The following SLC17A8 variants were observed in gnomAD, a reference collection of about 807,000 sequenced individuals.
SLC17A8 encodes vesicular glutamate transporter 3.
In SLC17A8, 31 loss-of-function variants were observed where a neutral mutation model predicts 58.0. The ratio of observed to expected loss-of-function variants is 0.53; its 90% CI spans 0.40 to 0.72. The LOEUF is 0.72. SLC17A8 is among the 30% of genes least tolerant of loss of function. SLC17A8 has a pLI of 0.00. For synonymous variants in SLC17A8, 228 were observed against 249.0 expected (o/e 0.92, Z 0.79); for missense variants, 655 against 727.8 (o/e 0.90, Z 1.15).
chr12:100,416,379 G>A (rs1952906594), intron 10 of SLC17A8, among the ~76,000 whole-genome samples: 1 of 152,162 alleles, frequency 6.6e-6, no homozygotes, highest in Non-Finnish European at 1.5e-5. Flanking sequence ...ACTTGCAGCT[G>A]TTTTATATTC....
chr12:100,400,052 CAA>C (rs1952780833), intron 5 of SLC17A8, among the ~76,000 whole-genome samples: 1 of 152,108 alleles, frequency 6.6e-6, no homozygotes, highest in African/African-American at 2.4e-5. Context: ...GAGAGTTAAA[CAA>C]AGTCATAGGT....
chr12:100,358,794 G>C (rs1378529624), intron 1 of SLC17A8, among the ~76,000 whole-genome samples: 2 of 152,158 alleles, frequency 1.3e-5, no homozygotes, highest in African/African-American at 4.8e-5. Flanking sequence ...TAATAAGCAC[G>C]ATAGCTTAAT....
chr12:100,386,601 T>G (rs61218657), intron 2 of SLC17A8, among the ~76,000 whole-genome samples: 4,566 of 152,234 alleles, frequency 0.03, 211 homozygotes, highest in African/African-American at 0.096. Context: ...GAGTGTAATG[T>G]CCTCCAGGTT....
chr12:100,381,145 GCATCTCA>G (rs1431279999), intron 2 of SLC17A8, among the ~76,000 whole-genome samples, 192 bp downstream of exon 2: 1 of 151,428 alleles, frequency 6.6e-6, no homozygotes, highest in African/African-American at 2.4e-5. Flanking sequence ...CAGCATCTCA[GCATCTCA>G]GCATCTCAGC....
In SLC17A8 at chr12:100,404,062, C is replaced by CACATGGTTATG; in HGVS notation, c.1082_1092dup (p.Ile365TrpfsTer3). On this transcript the variant is annotated frameshift_variant, in exon 9 of 12. Transcript: ENST00000323346. LOFTEE classifies it high-confidence loss of function. ...GGTGGGTCTCTTGTCAGCAGTCCCACACATGGTTATGACAATCGTTGTACC... is the reference window on the plus strand; with the variant it reads ...GGTGGGTCTCTTGTCAGCAGTCCCACACATGGTTATGACATGGTTATGACAATCGTTGTACC... 1.2e-6 allele frequency: 2 copies of CACATGGTTATG among 1,614,114 alleles called. No individual in the cohort carries two copies. The highest frequency in any genetic ancestry group is 1.7e-6 in the Non-Finnish European group (2 of 1,180,016).
chr12:100,387,986 C>A (rs189943386), intron 2 of SLC17A8, among the ~76,000 whole-genome samples: 1 of 152,082 alleles, frequency 6.6e-6, no homozygotes, highest in African/African-American at 2.4e-5. Flanking sequence ...TCTTAAAGAA[C>A]CCTTCATCAT....
chr12:100,389,459 T>C (rs1487110129), intron 2 of SLC17A8, among the ~76,000 whole-genome samples: 1 of 152,194 alleles, frequency 6.6e-6, no homozygotes, highest in Non-Finnish European at 1.5e-5. Flanking sequence ...ATCTGAATAA[T>C]GTAGTAAATA....
intron 1 of SLC17A8, among the ~76,000 whole-genome samples, chr12:100,366,050 CTTTTT>C (rs67071341): frequency 2.5e-4 from 23 of 90,864 alleles, no homozygotes; most frequent in African/African-American, 5.0e-4. Flanking sequence ...GTGATCCCTT[CTTTTT>C]TTTTTTTTTT....
At chr12:100,374,739 A>G (rs1236285051) in intron 1 of SLC17A8, among the ~76,000 whole-genome samples, 1 of 152,114 alleles carries the variant, frequency 6.6e-6, no homozygotes, top group African/African-American at 2.4e-5. Flanking sequence ...CTCACAAACA[A>G]CTCAGGAGGT....
chr12:100,380,924 G>C lies in SLC17A8; in HGVS notation c.325G>C (p.Val109Leu), dbSNP rs371250510. The change falls in exon 2 of 12, where the codon GTA becomes CTA. Residue 109 changes from valine to leucine, a missense_variant. Coordinates refer to ENST00000323346, the MANE Select transcript of SLC17A8 (RefSeq NM_139319.3). The part of the protein sequence containing the change: ...AIVEMVNNST[V>L]YVDGKPEIQT... ...TGTGGAAATGGTCAACAATAGCACCGTATATGTTGATGGAAAACCGGAAAT... is the reference window on the plus strand; with the variant it reads ...TGTGGAAATGGTCAACAATAGCACCCTATATGTTGATGGAAAACCGGAAAT... The C allele has an allele frequency of 6.2e-7, 1 of 1,614,118 alleles. No homozygotes were observed. The highest frequency in any genetic ancestry group is 1.1e-5 in the South Asian group (1 of 91,078).
intron 5 of SLC17A8, among the ~76,000 whole-genome samples, chr12:100,398,059 T>C (rs1328623044): frequency 6.6e-6 from 1 of 152,226 alleles, no homozygotes; most frequent in African/African-American, 2.4e-5. Flanking sequence ...ATATTCTTCT[T>C]TGCTAAAGGG....
At chr12:100,402,318 G>A in intron 6 of SLC17A8, 22 bp from the exon 7 acceptor site, 1 of 1,613,848 alleles carries the variant, frequency 6.2e-7, no homozygotes, top group Middle Eastern at 1.7e-4. Context: ...ATATAACCCA[G>A]CCTTTTCTTT....
chr12:100,364,239 C>T (rs1054515526), intron 1 of SLC17A8, among the ~76,000 whole-genome samples: 1 of 152,022 alleles, frequency 6.6e-6, no homozygotes, highest in African/African-American at 2.4e-5. Context: ...GACACTGAAT[C>T]CTCAGATAGT....
chr12:100,418,030 T>A lies in SLC17A8; in HGVS notation c.1299T>A (p.Gly433=), dbSNP rs200869525. 6.1e-5 allele frequency: 99 copies of A among 1,614,164 alleles called. No individual in the cohort carries two copies. The African/African-American group carries it at 9.9e-4, about 16-fold the overall frequency. Residue 433 remains glycine, a splice_region_variant and synonymous_variant, in exon 11 of 12, where the codon GGT becomes GGA. Transcript: ENST00000323346. ...AVGFSGFAIS[G]FNVNHLDIAP... Reference sequence around the variant, plus strand: ...TTTGAGGTTTTGGCTTCACTGTAGGTTTTAATGTCAACCACCTGGACATTG... The same window carrying A: ...TTTGAGGTTTTGGCTTCACTGTAGGATTTAATGTCAACCACCTGGACATTG...
At chr12:100,368,525 AATCT>A (rs1952536727) in intron 1 of SLC17A8, among the ~76,000 whole-genome samples, 1 of 152,294 alleles carries the variant, frequency 6.6e-6, no homozygotes, top group South Asian at 2.1e-4. Flanking sequence ...GACAGAATTC[AATCT>A]ACCTCCCATA....
intron 1 of SLC17A8, among the ~76,000 whole-genome samples, chr12:100,366,056 T>C (rs1173010910): frequency 2.0e-5 from 3 of 148,272 alleles, no homozygotes; most frequent in African/African-American, 7.5e-5. Context: ...CCTTCTTTTT[T>C]TTTTTTTTTT....
intron 9 of SLC17A8, 138 bp from the exon 10 acceptor site, chr12:100,412,632 G>T: frequency 3.9e-5 from 20 of 514,722 alleles, no homozygotes; most frequent in East Asian, 8.0e-5. Context: ...AGAACTTAAA[G>T]TAAAAAAAAA....
At chr12:100,404,810 T>C (rs1252489936) in intron 9 of SLC17A8, among the ~76,000 whole-genome samples, 1 of 152,232 alleles carries the variant, frequency 6.6e-6, no homozygotes, top group African/African-American at 2.4e-5. Flanking sequence ...TATTACTATA[T>C]GCAATTTGCA....
chr12:100,382,683 A>T (rs545072145), intron 2 of SLC17A8, among the ~76,000 whole-genome samples: 1 of 152,332 alleles, frequency 6.6e-6, no homozygotes, highest in East Asian at 1.9e-4. Context: ...CCTGGAGCCC[A>T]TACTGTGCTG....
Sources: gnomAD v4.1 joint callset for allele counts (sites outside exome capture counted in the v4.1 genomes callset) on GRCh38, gnomAD v4.1.1 for gene constraint, MANE v1.5 for transcripts, NCBI Gene and HGNC (gene_info 2026-07-23, HGNC 2026-07-21) for gene names.